Variants in ZNF91 observed in about 807,000 individuals in gnomAD.
ZNF91 encodes the protein zinc finger protein 91 (HPF7, HTF10).
ZNF91 carries 7 observed loss-of-function variants against 12.6 expected under a neutral mutation model. The observed-to-expected ratio is 0.55, with a 90% CI of 0.31 to 1.04. ZNF91 has a LOEUF of 1.04. Among genes scored for constraint, ZNF91 ranks in the 50% least tolerant of loss-of-function variants. The pLI is 0.05. For synonymous variants in ZNF91, 453 were observed against 462.6 expected (o/e 0.98, Z 0.27); for missense variants, 1,217 against 1,385.4 (o/e 0.88, Z 1.93).
chr19:23,395,224 G>A, intron 1 of ZNF91, 101 bp downstream of exon 1: 1 of 1,429,842 alleles, frequency 7.0e-7, no homozygotes, highest in Non-Finnish European at 9.7e-7. Context: ...CACGGATTGT[G>A]GAGCTGACTG....
chr19:23,388,480 C>T (rs1037110028), intron 1 of ZNF91, among the ~76,000 whole-genome samples: 22 of 152,238 alleles, frequency 1.4e-4, no homozygotes, highest in South Asian at 4.1e-4. Flanking sequence ...AATTATACTA[C>T]AGAGCTACAG....
At chr19:23,378,415 G>A (rs934631189) in intron 1 of ZNF91, among the ~76,000 whole-genome samples, 13 of 152,170 alleles carry the variant, frequency 8.5e-5, no homozygotes, top group Non-Finnish European at 1.8e-4. Flanking sequence ...ATGCCACTGG[G>A]GAGTATTTTT....
intron 3 of ZNF91, among the ~76,000 whole-genome samples, chr19:23,373,377 TATATATATAA>T (rs1462610545): frequency 0.024 from 2,105 of 86,140 alleles, 40 homozygotes; most frequent in Non-Finnish European, 0.037. Flanking sequence ...TATATATATA[TATATATATAA>T]ATAAACAGTA....
In ZNF91 at chr19:23,362,240, A is replaced by C; in HGVS notation, c.739T>G (p.Phe247Val). The C allele has an allele frequency of 6.2e-7, 1 of 1,614,088 alleles. No homozygotes were observed. Among genetic ancestry groups the C allele is most frequent in the Non-Finnish European group, 8.5e-7 (1 of 1,179,998 alleles). ...GTAGTAAGGGTTGAGAGCTGCTTAA[A>C]AGCTTTGCCACATTCTTCACATTTG... ...PYKCEECGKA[F>V]KQLSTLTTHK... The change falls in exon 4 of 4, where the codon TTT becomes GTT. Residue 247 changes from phenylalanine (F) to valine (V), a missense_variant. Phe to Val is a conservative substitution (Grantham distance 50). Coordinates refer to ENST00000300619, the MANE Select transcript of ZNF91 (RefSeq NM_003430.4).
chr19:23,360,019 A>C lies in ZNF91; in HGVS notation c.2960T>G (p.Ile987Ser), dbSNP rs1374495606. The part of the protein sequence containing the change: ...KSSTLTEHKI[I>S]HTGEKPYKCE... ...TTTGTAGGGTTTCTCTCCAGTATGAATTATCTTATGTTCAGTAAGAGTTGA... is the reference window on the plus strand; with the variant it reads ...TTTGTAGGGTTTCTCTCCAGTATGACTTATCTTATGTTCAGTAAGAGTTGA... The change falls in exon 4 of 4, where the codon ATT becomes AGT. Residue 987 changes from isoleucine (I) to serine (S), a missense_variant. This residue lies in a region of ZNF91 where 491 missense variants were observed against 489.8 expected (regional missense o/e 1.00). Coordinates refer to ENST00000300619, the MANE Select transcript of ZNF91 (RefSeq NM_003430.4). 1.2e-6 allele frequency: 2 copies of C among 1,613,338 alleles called. No homozygotes were observed. The highest frequency in any genetic ancestry group is 1.7e-6 in the Non-Finnish European group (2 of 1,180,012).
chr19:23,310,556 T>G (rs972062787), exon 1 of ZNF91: 5 of 152,200 alleles, frequency 3.3e-5, no homozygotes, highest in African/African-American at 1.2e-4. Context: ...ACCTAGAATT[T>G]GGACCTTTGT....
chr19:23,333,357 A>G (rs1967956537), intron 1 of ZNF91, among the ~76,000 whole-genome samples: 1 of 152,242 alleles, frequency 6.6e-6, no homozygotes, highest in Admixed American at 6.5e-5. Context: ...TAAAAAGTTC[A>G]TAACGTGATA....
Position 23,361,948 on chromosome 19 carries a change from T to C in ZNF91, c.1031A>G (p.His344Arg), listed in dbSNP as rs1270427776. The C allele has an allele frequency of 6.2e-7, 1 of 1,613,300 alleles. No homozygotes were observed. The highest frequency in any genetic ancestry group is 8.5e-7 in the Non-Finnish European group (1 of 1,179,696). Residue 344 changes from histidine (H) to arginine (R), a missense_variant, in exon 4 of 4, where the codon CAT becomes CGT. Physicochemically the swap from His to Arg is conservative, Grantham distance 29 (BLOSUM62 0). Coordinates refer to ENST00000300619, the MANE Select transcript of ZNF91 (RefSeq NM_003430.4). ...SSTLAKHKRI[H>R]TGEKPYKCKE... is the part of the protein sequence containing the mutation. ...ACATTTGTAGGGTTTCTCTCCAGTA[T>C]GAATTCTCTTATGTTTAGCAAGGGT...
chr19:23,385,853 T>C (rs1292864512), intron 1 of ZNF91, among the ~76,000 whole-genome samples: 1 of 152,186 alleles, frequency 6.6e-6, no homozygotes, highest in African/African-American at 2.4e-5. Context: ...ATATTATATC[T>C]ACATTGCAAA....
chr19:23,370,751 C>T (rs1969244270), intron 3 of ZNF91, among the ~76,000 whole-genome samples: 1 of 152,184 alleles, frequency 6.6e-6, no homozygotes, highest in Non-Finnish European at 1.5e-5. Flanking sequence ...AGCAATCCTC[C>T]TGTCCTGGCC....
At chr19:23,386,333 A>G (rs755398814) in intron 1 of ZNF91, among the ~76,000 whole-genome samples, 3 of 152,202 alleles carry the variant, frequency 2.0e-5, no homozygotes, top group Non-Finnish European at 4.4e-5. Flanking sequence ...ATAAAACCAA[A>G]AAAGAGTCTG....
chr19:23,362,852 G>A, intron 3 of ZNF91, 127 bp from the exon 4 acceptor site: 2 of 1,223,936 alleles, frequency 1.6e-6, no homozygotes, highest in Non-Finnish European at 2.1e-6. Flanking sequence ...AAATACCACA[G>A]GCCCTAATTC....
intron 1 of ZNF91, among the ~76,000 whole-genome samples, chr19:23,384,331 GC>G (rs1969807607): frequency 6.6e-6 from 1 of 152,058 alleles, no homozygotes; most frequent in Non-Finnish European, 1.5e-5. Flanking sequence ...CCTGGCCAGG[GC>G]AGTGCACTCA....
chr19:23,309,883 G>C (rs539958581), intron 1 of ZNF91, among the ~76,000 whole-genome samples: 1 of 152,046 alleles, frequency 6.6e-6, no homozygotes, highest in East Asian at 1.9e-4. Flanking sequence ...TGCTCATCCT[G>C]ACAACCATTA....
chr19:23,317,812 ACCTAGT>A (rs1378828489), intron 1 of ZNF91, among the ~76,000 whole-genome samples: 1 of 152,180 alleles, frequency 6.6e-6, no homozygotes, highest in African/African-American at 2.4e-5. Flanking sequence ...CCACGCACAG[ACCTAGT>A]CCACCATTAA....
At chr19:23,372,181 A>C (rs376528596) in intron 3 of ZNF91, among the ~76,000 whole-genome samples, 5 of 152,154 alleles carry the variant, frequency 3.3e-5, no homozygotes, top group East Asian at 1.9e-4. Context: ...TTGAAGTAGA[A>C]AATAAAAATA....
Position 23,341,535 on chromosome 19 carries a change from A to G in ZNF91, c.254-2481T>C, listed in dbSNP as rs542235086. On this transcript the variant is annotated intron_variant, in intron 3 of 3. Coordinates refer to the ZNF91 transcript ENST00000599743. ...ATTCAAAGCAAAAGCAAGTATAATA[A>G]TAACAATAATAATCCAACTAAAAAA... Among the ~76,000 whole-genome samples, 3 of 152,324 alleles carry G rather than the reference A, an allele frequency of 2.0e-5. No individual in the cohort carries two copies. The East Asian group carries it at 5.8e-4, about 29-fold the overall frequency.
intron 3 of ZNF91, among the ~76,000 whole-genome samples, chr19:23,366,049 T>C (rs1311996409): frequency 6.6e-6 from 1 of 152,214 alleles, no homozygotes; most frequent in Non-Finnish European, 1.5e-5. Context: ...AAACCACCAC[T>C]GTCATCATGG....
chr19:23,314,039 A>G (rs1599679626), upstream of ZNF91, among the ~76,000 whole-genome samples: 1 of 152,050 alleles, frequency 6.6e-6, no homozygotes, highest in Admixed American at 6.6e-5. Context: ...ACAGGCAAAT[A>G]CCCTAGGTGT....
Sources: gnomAD v4.1 joint callset for allele counts (sites outside exome capture counted in the v4.1 genomes callset) on GRCh38, gnomAD v4.1.1 for gene constraint, gnomAD v4.1.1 regional missense constraint, MANE v1.5 for transcripts, NCBI Gene and HGNC (gene_info 2026-07-23, HGNC 2026-07-21) for gene names.